The following SAA2 variants were observed in gnomAD, a reference collection of about 807,000 sequenced individuals.
The protein encoded by SAA2 is serum amyloid A-2 protein.
Under a neutral mutation model 9.1 loss-of-function variants are expected in SAA2, and 5 were observed. That is an observed-to-expected ratio of 0.55 (90% CI 0.29 to 1.16). The LOEUF is 1.16. Ranked by LOEUF, SAA2 falls within the 50% of genes most tolerant of loss-of-function variation. The pLI, the probability that SAA2 is intolerant of heterozygous loss-of-function variation, is 0.09. For missense variants in SAA2, 94 were observed against 153.8 expected (o/e 0.61, Z 2.06); for synonymous variants, 49 against 59.8 (o/e 0.82, Z 0.83).
At chr11:18,244,829 C>T (rs1857454861), downstream of SAA2, among the ~76,000 whole-genome samples, 1 of 152,116 alleles carries the variant, frequency 6.6e-6, no homozygotes, top group Admixed American at 6.6e-5. Context: ...TCATTAATGC[C>T]TGGATTTGTA....
chr11:18,242,790 T>C, downstream of SAA2: 1 of 701,770 alleles, frequency 1.4e-6, no homozygotes, highest in East Asian at 2.7e-5. Flanking sequence ...GAGGTTGCAG[T>C]GAGCCATGAT....
chr11:18,239,679 C>A, exon 4 of SAA2: 1 of 423,582 alleles, frequency 2.4e-6, no homozygotes, highest in Non-Finnish European at 4.2e-6. Context: ...TCCTAGTTTT[C>A]CTCCTTTCCC....
chr11:18,246,178 T>G, intron 2 of SAA2, 130 bp from the exon 3 acceptor site: 3 of 1,411,842 alleles, frequency 2.1e-6, no homozygotes, highest in African/African-American at 2.9e-5. Flanking sequence ...CATAGCAGCC[T>G]TGGATACCAT....
chr11:18,247,036 A>G (rs1857578444), intron 2 of SAA2, among the ~76,000 whole-genome samples: 1 of 152,276 alleles, frequency 6.6e-6, no homozygotes, highest in African/African-American at 2.4e-5. Flanking sequence ...AGCCGGGCTC[A>G]AACCTCTGCC....
At chr11:18,239,474 G>C (rs1430832013) in exon 4 of SAA2, 11 of 381,348 alleles carry the variant, frequency 2.9e-5, no homozygotes. Flanking sequence ...GGGGTGTCCA[G>C]GAGTCCTATC....
At chr11:18,241,703 T>C (rs1857350932), downstream of SAA2, among the ~76,000 whole-genome samples, 1 of 152,246 alleles carries the variant, frequency 6.6e-6, no homozygotes, top group East Asian at 1.9e-4. Context: ...AAATAATGTG[T>C]ACACATGGAC....
rs1418106302 is a variant in SAA2 at position 18,248,023 on chromosome 11, G to A, written c.-4-8C>T. On this transcript the variant is annotated splice_region_variant and splice_polypyrimidine_tract_variant and intron_variant, in intron 1 of 3. Coordinates refer to ENST00000256733, the MANE Select transcript of SAA2 (RefSeq NM_030754.5). The stretch of plus-strand genomic sequence containing the variant: ...GTGAGAAGCTTCATGGTGCTGAAAT[G>A]AAAGGAGAAGTCAGGCAGTCGCCCA... The A allele has an allele frequency of 1.2e-6, 2 of 1,612,468 alleles. No homozygotes were observed. Among genetic ancestry groups the A allele is most frequent in the East Asian group, 2.2e-5 (1 of 44,798 alleles).
downstream of SAA2, among the ~76,000 whole-genome samples, chr11:18,244,584 A>T (rs1199342362): frequency 6.6e-6 from 1 of 152,130 alleles, no homozygotes; most frequent in Non-Finnish European, 1.5e-5. Flanking sequence ...CCCTTTTCAA[A>T]TTACTGCCTG....
rs774316977 is a variant in SAA2 at position 18,247,934 on chromosome 11, G to C, written c.78C>G (p.Gly26=). 2.5e-6 allele frequency: 4 copies of C among 1,613,836 alleles called. No individual in the cohort carries two copies. The highest frequency in any genetic ancestry group is 2.2e-5 in the East Asian group (1 of 44,878). Residue 26 remains glycine, a synonymous_variant, in exon 2 of 4, where the codon GGC becomes GGG. Coordinates refer to ENST00000256733, the MANE Select transcript of SAA2 (RefSeq NM_030754.5). ...CTGAAGCCTTACCATCAAAAGCCTC[G>C]CCAAGGAACGAAAAGAAGCTTCGGC... is the stretch of plus-strand genomic sequence containing the variant. ...VSSRSFFSFL[G]EAFDGARDMW...
At chr11:18,244,333 G>T (rs774371990), downstream of SAA2, among the ~76,000 whole-genome samples, 2 of 152,134 alleles carry the variant, frequency 1.3e-5, no homozygotes, top group African/African-American at 2.4e-5. Flanking sequence ...TCCCAAATTT[G>T]TCACAGGAAC....
downstream of SAA2, among the ~76,000 whole-genome samples, chr11:18,243,900 A>T: frequency 6.6e-6 from 1 of 152,000 alleles, no homozygotes; most frequent in East Asian, 1.9e-4. Context: ...CCCTGTGAAC[A>T]TTTCTCCTTT....
At chr11:18,239,887 T>C (rs1385445249) in exon 4 of SAA2, 9 of 1,532,288 alleles carry the variant, frequency 5.9e-6, no homozygotes, top group Middle Eastern at 1.7e-4. Context: ...TGAATCTTCA[T>C]TGCCTGGATC....
chr11:18,242,852 A>C, downstream of SAA2: 1 of 700,996 alleles, frequency 1.4e-6, no homozygotes, highest in Non-Finnish European at 2.6e-6. Context: ...GTCTCAAATA[A>C]CGAAACAAAA....
At chr11:18,242,571 C>G (rs1441693776), downstream of SAA2, 1 of 533,292 alleles carries the variant, frequency 1.9e-6, no homozygotes, top group Non-Finnish European at 3.3e-6. Context: ...GTAGGCTGGG[C>G]TCAGTGACTC....
At position 18,245,935 on chromosome 11, in the gene SAA2, C is replaced by T. The variant is rs1183006510; in HGVS notation, c.205G>A (p.Gly69Ser). The change falls in exon 3 of 4, where the codon GGT becomes AGT. Residue 69 changes from glycine (G) to serine (S), a missense_variant. This residue lies in a region of SAA2 where 32 missense variants were observed against 95.5 expected (regional missense o/e 0.34). Transcript: ENST00000256733. ...NYDAAKRGPG[G>S]AWAAEVISNA... ...CTGATCACTTCTGCAGCCCAGGCACCCCCAGGTCCCCTTTTGGCAGCATCA... is the reference window on the plus strand; with the variant it reads ...CTGATCACTTCTGCAGCCCAGGCACTCCCAGGTCCCCTTTTGGCAGCATCA... The T allele has an allele frequency of 6.2e-7, 1 of 1,613,846 alleles. No individual in the cohort carries two copies. Among genetic ancestry groups the T allele is most frequent in the Non-Finnish European group, 8.5e-7 (1 of 1,179,870 alleles).
downstream of SAA2, among the ~76,000 whole-genome samples, chr11:18,238,239 T>G (rs1045857143): frequency 3.3e-5 from 5 of 152,224 alleles, no homozygotes; most frequent in Non-Finnish European, 7.4e-5. Flanking sequence ...GTAGTCATTT[T>G]TTACTGGTTT....
chr11:18,244,723 G>T (rs1344163918), downstream of SAA2, among the ~76,000 whole-genome samples: 2 of 152,132 alleles, frequency 1.3e-5, no homozygotes, highest in African/African-American at 4.8e-5. Flanking sequence ...TTCATAAAAG[G>T]AGTCGCATTA....
At chr11:18,243,972 G>T (rs1467091291), downstream of SAA2, among the ~76,000 whole-genome samples, 2 of 152,178 alleles carry the variant, frequency 1.3e-5, no homozygotes, top group Admixed American at 1.3e-4. Context: ...AGCAGGAGAT[G>T]AAGACATCTT....
downstream of SAA2, among the ~76,000 whole-genome samples, chr11:18,245,004 C>A (rs1296261837): frequency 5.3e-5 from 8 of 152,122 alleles, no homozygotes; most frequent in Admixed American, 5.2e-4. Context: ...GATGAGAAGC[C>A]TGGGCAAGGA....
Sources: gnomAD v4.1 joint callset for allele counts (sites outside exome capture counted in the v4.1 genomes callset) on GRCh38, gnomAD v4.1.1 for gene constraint, gnomAD v4.1.1 regional missense constraint, MANE v1.5 for transcripts, NCBI Gene and HGNC (gene_info 2026-07-23, HGNC 2026-07-21) for gene names.